The following DTNA variants were observed in gnomAD, a reference collection of about 807,000 sequenced individuals.
The protein encoded by DTNA is dystrophin-related protein 3.
Under a neutral mutation model 100.7 loss-of-function variants are expected in DTNA, and 43 were observed. The observed-to-expected ratio is 0.43, with a 90% CI of 0.33 to 0.55. The LOEUF (loss-of-function observed/expected upper bound fraction) is 0.55, where lower values mean the gene tolerates loss of function less well. Ranked by LOEUF, DTNA falls within the 20% of genes least tolerant of loss-of-function variation. The probability of loss-of-function intolerance (pLI) is 0.04; values close to 1 mark genes in which losing one functional copy is unlikely to be tolerated. For missense variants in DTNA, 798 were observed against 953.9 expected, an observed-to-expected ratio of 0.84 and a Z score of 2.15; for synonymous variants, 349 against 347.9, an observed-to-expected ratio of 1.00 and a Z score of -0.04.
At chr18:34,529,892 A>T (rs2042982267) in intron 1 of DTNA, among the ~76,000 whole-genome samples, 1 of 152,132 alleles carries the variant, frequency 6.6e-6, no homozygotes. Flanking sequence ...CTTCAGAAGT[A>T]CCTCAGTTCT....
chr18:34,866,848 T>C (rs1329540642), intron 17 of DTNA: 2 of 1,027,310 alleles, frequency 1.9e-6, no homozygotes, highest in African/African-American at 1.7e-5. Context: ...GCCTTTCGGC[T>C]CCGGGAGACG....
chr18:34,858,252 C>A (rs908316768), intron 15 of DTNA, 33 bp from the exon 16 acceptor site: 2 of 1,604,324 alleles, frequency 1.2e-6, no homozygotes, highest in African/African-American at 2.7e-5. Context: ...AGCTAACTAA[C>A]CTTGGTTTCT....
In DTNA at chr18:34,672,965, A is replaced by G. The variant is rs536349586; in HGVS notation, c.-1-83011A>G. The stretch of plus-strand genomic sequence containing the variant: ...TCCTAAAAGGAGAGTTACTTTGATC[A>G]AAACACACACACACACATACCCGCA... On this transcript the variant is annotated intron_variant, in intron 1 of 19. Transcript: ENST00000283365. 1.7e-3 allele frequency among the ~76,000 whole-genome samples: 257 copies of G among 152,262 alleles called. 1 individual carries two copies. Among genetic ancestry groups the G allele is most frequent in the Non-Finnish European group, 3.1e-3 (213 of 68,010 alleles).
chr18:34,735,065 CAT>C (rs898190134), intron 1 of DTNA, among the ~76,000 whole-genome samples: 2 of 151,922 alleles, frequency 1.3e-5, no homozygotes, highest in African/African-American at 4.8e-5. Context: ...CACACATACA[CAT>C]ATATATATAC....
chr18:34,868,592 A>T, intron 17 of DTNA: 1 of 985,442 alleles, frequency 1.0e-6, no homozygotes, highest in Non-Finnish European at 1.2e-6. Flanking sequence ...ATTGTGCTGG[A>T]TTTAATAACC....
rs2096417091 is a variant in DTNA, at chr18:34,848,367, C to T, written c.1418C>T (p.Ala473Val). ...GCCAGGTATGCGGCAAGGCTGGCAGCAGAGTCCTCTTCGTCTGTAAGTAGT... is the reference window on the plus strand; with the variant it reads ...GCCAGGTATGCGGCAAGGCTGGCAGTAGAGTCCTCTTCGTCTGTAAGTAGT... ...LIARYAARLA[A>V]ESSSSQPPQQ... Residue 473 changes from alanine to valine, a missense_variant, in exon 14 of 23, where the codon GCA becomes GTA. This residue lies in a region of DTNA where 159 missense variants were observed against 201.2 expected (regional missense o/e 0.79). Transcript: ENST00000444659. The T allele has an allele frequency of 6.2e-7, 1 of 1,613,878 alleles. No individual in the cohort carries two copies. The highest frequency in any genetic ancestry group is 8.5e-7 in the Non-Finnish European group (1 of 1,179,948).
rs1473376313 is a variant in DTNA, at chr18:34,858,342, C to T, written c.1590C>T (p.Pro530=). 1.9e-6 allele frequency: 3 copies of T among 1,614,172 alleles called. No individual in the cohort carries two copies. The highest frequency in any genetic ancestry group is 2.5e-6 in the Non-Finnish European group (3 of 1,180,028). ...LRLEHEQASQ[P]TPEKAQQNPT... The stretch of plus-strand genomic sequence containing the variant: ...TAGAGCATGAACAAGCTTCTCAGCC[C>T]ACGCCAGAGAAGGCACAGCAAAACC... The change falls in exon 16 of 23, where the codon CCC becomes CCT. Residue 530 remains proline (P), a synonymous_variant. Coordinates refer to ENST00000444659, the MANE Select transcript of DTNA (RefSeq NM_001386795.1).
Position 34,806,285 on chromosome 18 carries a change from G to T in DTNA, c.429G>T (p.Lys143Asn), listed in dbSNP as rs764667762. The change falls in exon 5 of 23, where the codon AAG becomes AAT. Residue 143 changes from lysine to asparagine, a missense_variant. By Grantham distance (94) the Lys-to-Asn change is moderately conservative. Coordinates refer to ENST00000444659, the MANE Select transcript of DTNA (RefSeq NM_001386795.1). ...KMALATLCGG[K>N]IMDKLRYIFS... ...CTTTAGCCACATTGTGTGGAGGGAA[G>T]ATCATGGACAAATTAAGATGTAAGT... is the stretch of plus-strand genomic sequence containing the variant. 2 of 1,613,898 alleles carry T rather than the reference G, an allele frequency of 1.2e-6. No homozygotes were observed. Among genetic ancestry groups the T allele is most frequent in the South Asian group, 2.2e-5 (2 of 91,068 alleles).
At chr18:34,618,698 A>C (rs1294724284) in intron 1 of DTNA, among the ~76,000 whole-genome samples, 1 of 152,202 alleles carries the variant, frequency 6.6e-6, no homozygotes, top group Non-Finnish European at 1.5e-5. Context: ...AAAAGAAAAC[A>C]ATTACTTGCA....
intron 1 of DTNA, among the ~76,000 whole-genome samples, chr18:34,549,678 TTTAA>T (rs1568631635): frequency 1.3e-5 from 2 of 152,106 alleles, no homozygotes; most frequent in African/African-American, 4.8e-5. Context: ...AATTGCAAGC[TTTAA>T]TTGTTTTATT....
chr18:34,789,028 T>C (rs73412627), intron 3 of DTNA, among the ~76,000 whole-genome samples: 33 of 152,304 alleles, frequency 2.2e-4, no homozygotes, highest in African/African-American at 7.7e-4. Flanking sequence ...AAAGGAATAA[T>C]ACAATGTATA....
At chr18:34,521,727 C>A (rs895734177) in intron 1 of DTNA, among the ~76,000 whole-genome samples, 2 of 152,320 alleles carry the variant, frequency 1.3e-5, no homozygotes, top group East Asian at 1.9e-4. Flanking sequence ...CTTACTCTCT[C>A]GCTTCACACA....
At chr18:34,662,282 G>A (rs577507868) in intron 1 of DTNA, among the ~76,000 whole-genome samples, 1 of 152,184 alleles carries the variant, frequency 6.6e-6, no homozygotes, top group South Asian at 2.1e-4. Context: ...CAGGCACAAT[G>A]TGACTGGTCT....
At chr18:34,697,545 G>C (rs903109990) in intron 1 of DTNA, among the ~76,000 whole-genome samples, 1 of 151,558 alleles carries the variant, frequency 6.6e-6, no homozygotes, top group Admixed American at 6.6e-5. Context: ...GACATTGTTA[G>C]AAGGGGAGAA....
intron 1 of DTNA, among the ~76,000 whole-genome samples, chr18:34,699,391 G>A (rs73946142): frequency 0.015 from 2,208 of 152,226 alleles, 41 homozygotes; most frequent in African/African-American, 0.047. Flanking sequence ...GTTTTATTCA[G>A]ACACTGTAAT....
intron 22 of DTNA, 60 bp from the exon 23 acceptor site, chr18:34,887,706 T>G: frequency 5.1e-6 from 5 of 984,936 alleles, no homozygotes; most frequent in Non-Finnish European, 6.0e-6. Context: ...CTAAGTTTCA[T>G]AACCCTAATT....
intron 1 of DTNA, among the ~76,000 whole-genome samples, chr18:34,735,211 G>A (rs1601089030): frequency 6.6e-6 from 1 of 152,226 alleles, no homozygotes; most frequent in East Asian, 1.9e-4. Flanking sequence ...AGGAGGCTAG[G>A]ACAGTCTCTC....
chr18:34,876,726 C>T (rs1226156915), intron 18 of DTNA, among the ~76,000 whole-genome samples: 1 of 152,138 alleles, frequency 6.6e-6, no homozygotes, highest in African/African-American at 2.4e-5. Flanking sequence ...GAACTCTCTA[C>T]TCTGAGGGAA....
intron 1 of DTNA, among the ~76,000 whole-genome samples, chr18:34,605,043 A>C (rs2052724791): frequency 6.6e-6 from 1 of 152,030 alleles, no homozygotes; most frequent in Non-Finnish European, 1.5e-5. Context: ...CCAAGTGATA[A>C]GTCTGCATAC....
Sources: gnomAD v4.1 joint callset for allele counts (sites outside exome capture counted in the v4.1 genomes callset) on GRCh38, gnomAD v4.1.1 for gene constraint, gnomAD v4.1.1 regional missense constraint, MANE v1.5 for transcripts, NCBI Gene and HGNC (gene_info 2026-07-23, HGNC 2026-07-21) for gene names.